The following DOCK4 variants were observed in gnomAD, a reference collection of about 807,000 sequenced individuals.
The protein encoded by DOCK4 is dedicator of cytokinesis 4, also known as dedicator of cytokinesis protein 4.
In DOCK4, 97 loss-of-function variants were observed where a neutral mutation model predicts 268.1. That is an observed-to-expected ratio of 0.36 (90% CI 0.31 to 0.43). The LOEUF is 0.43. Among genes scored for constraint, DOCK4 ranks in the 20% least tolerant of loss-of-function variants. DOCK4 has a pLI of 1.00. For missense variants in DOCK4, 2,145 were observed against 2,455.7 expected (o/e 0.87, Z 2.67); for synonymous variants, 954 against 887.2 (o/e 1.08, Z -1.34).
At chr7:112,105,685 CT>C (rs752689972) in intron 1 of DOCK4, among the ~76,000 whole-genome samples, 2,601 of 135,734 alleles carry the variant, frequency 0.019, 30 homozygotes, top group East Asian at 0.026. Flanking sequence ...CCTCCTCTTC[CT>C]TTTTTTTTTT....
chr7:111,994,364 G>A, intron 4 of DOCK4, 133 bp from the exon 5 acceptor site: 2 of 537,836 alleles, frequency 3.7e-6, no homozygotes, highest in Admixed American at 6.6e-5. Context: ...ACCAGGATCT[G>A]GTTATAAGTT....
chr7:111,786,716 C>T (rs1799197449), intron 32 of DOCK4, among the ~76,000 whole-genome samples: 1 of 152,128 alleles, frequency 6.6e-6, no homozygotes, highest in African/African-American at 2.4e-5. Context: ...AGAATTTGTA[C>T]CATATAACGG....
chr7:111,822,744 T>G (rs1802091665), intron 26 of DOCK4, among the ~76,000 whole-genome samples: 1 of 152,230 alleles, frequency 6.6e-6, no homozygotes, highest in African/African-American at 2.4e-5. Context: ...AGTGGAAAAC[T>G]TGTAACAGAA....
At position 111,739,317 on chromosome 7, in the gene DOCK4, C is replaced by T. The variant is rs574545164; in HGVS notation, c.5123-74G>A. ...ACCTGTTTGGAGGCGAGAGCCTGAA[C>T]GTGTGGCAGCTGGCCACAGTTCCCA... On this transcript the variant is annotated intron_variant, in intron 48 of 52. Transcript: ENST00000428084. The T allele has an allele frequency of 5.5e-4, 875 of 1,589,450 alleles. 19 individuals are homozygous for T. In the South Asian group the frequency reaches 8.7e-3, roughly 16 times the overall value.
intron 30 of DOCK4, among the ~76,000 whole-genome samples, chr7:111,798,555 C>A (rs1309347044): frequency 2.0e-5 from 3 of 152,174 alleles, no homozygotes; most frequent in Non-Finnish European, 4.4e-5. Context: ...GTCATAATAG[C>A]TCTACTAGGC....
At chr7:111,948,664 G>A (rs904481411) in intron 8 of DOCK4, among the ~76,000 whole-genome samples, 3 of 150,898 alleles carry the variant, frequency 2.0e-5, no homozygotes, top group Non-Finnish European at 2.9e-5. Flanking sequence ...GCGCGATCTC[G>A]GCTCATTGCA....
intron 30 of DOCK4, among the ~76,000 whole-genome samples, chr7:111,794,934 T>C (rs375556003): frequency 3.9e-5 from 6 of 152,212 alleles, no homozygotes; most frequent in East Asian, 3.8e-4. Flanking sequence ...CAAGGTGAGC[T>C]GGCAAGGATT....
chr7:112,145,605 A>G (rs910732442), intron 1 of DOCK4, among the ~76,000 whole-genome samples: 5 of 152,240 alleles, frequency 3.3e-5, no homozygotes, highest in African/African-American at 9.6e-5. Flanking sequence ...GTTAATCTGT[A>G]TACAAACCTA....
chr7:111,824,768 T>C (rs935278508), intron 26 of DOCK4, among the ~76,000 whole-genome samples: 1 of 152,204 alleles, frequency 6.6e-6, no homozygotes, highest in African/African-American at 2.4e-5. Flanking sequence ...CCTGTTTCTG[T>C]GCTATCTCAT....
At chr7:111,759,176 C>A (rs1372948233) in intron 40 of DOCK4, among the ~76,000 whole-genome samples, 1 of 152,150 alleles carries the variant, frequency 6.6e-6, no homozygotes, top group Non-Finnish European at 1.5e-5. Flanking sequence ...TTAGTCTGTG[C>A]ATGACACATT....
chr7:111,794,940 G>C (rs1449951858), intron 30 of DOCK4, among the ~76,000 whole-genome samples: 2 of 152,148 alleles, frequency 1.3e-5, no homozygotes. Context: ...GAGCTGGCAA[G>C]GATTTCCAAT....
At chr7:111,792,027 T>C (rs1165020656) in intron 30 of DOCK4, among the ~76,000 whole-genome samples, 1 of 152,254 alleles carries the variant, frequency 6.6e-6, no homozygotes, top group African/African-American at 2.4e-5. Flanking sequence ...ATGGTATTGA[T>C]AATTCAGAGG....
At chr7:111,882,657 G>A (rs1480643950) in intron 16 of DOCK4, among the ~76,000 whole-genome samples, 2 of 152,104 alleles carry the variant, frequency 1.3e-5, no homozygotes, top group African/African-American at 4.8e-5. Flanking sequence ...TTGTCACCCA[G>A]GCTGGAGTGC....
intron 1 of DOCK4, among the ~76,000 whole-genome samples, chr7:112,015,815 A>C (rs1801761191): frequency 6.6e-6 from 1 of 152,200 alleles, no homozygotes; most frequent in African/African-American, 2.4e-5. Context: ...GTCCAAGATC[A>C]AGGTACTGGC....
intron 1 of DOCK4, among the ~76,000 whole-genome samples, chr7:112,177,364 GA>G: frequency 6.6e-6 from 1 of 152,330 alleles, no homozygotes; most frequent in South Asian, 2.1e-4. Context: ...GATGAGTGAA[GA>G]AGCTAATAAT....
intron 1 of DOCK4, among the ~76,000 whole-genome samples, chr7:112,079,728 A>G (rs181450167): frequency 5.2e-4 from 79 of 152,306 alleles, no homozygotes; most frequent in Middle Eastern, 3.4e-3. Context: ...TATTTTGTAG[A>G]ATGGAAATCA....
chr7:111,953,901 C>CT (rs1210288022), intron 8 of DOCK4: 1 of 152,244 alleles, frequency 6.6e-6, no homozygotes, highest in Admixed American at 6.5e-5. Flanking sequence ...AGTTATTTGC[C>CT]TTCCTAGAAG....
intron 1 of DOCK4, among the ~76,000 whole-genome samples, chr7:112,008,906 T>A (rs1001926270): frequency 6.6e-6 from 1 of 152,110 alleles, no homozygotes; most frequent in Non-Finnish European, 1.5e-5. Flanking sequence ...AGCAGGAGAA[T>A]CGCTTGAACC....
intron 1 of DOCK4, among the ~76,000 whole-genome samples, chr7:112,193,000 T>C (rs1343508278): frequency 6.6e-6 from 1 of 152,190 alleles, no homozygotes; most frequent in East Asian, 1.9e-4. Context: ...GACCTGATAT[T>C]CAACAGCCAG....
Sources: allele counts gnomAD v4.1 joint callset (sites outside exome capture counted in the v4.1 genomes callset), GRCh38; gene constraint gnomAD v4.1.1; transcripts MANE v1.5; gene names NCBI Gene and HGNC (gene_info 2026-07-23, HGNC 2026-07-21).